TAFA2: variants seen among roughly 807,000 people sequenced by gnomAD.
TAFA2 encodes chemokine-like protein TAFA-2.
Under a neutral mutation model 18.8 loss-of-function variants are expected in TAFA2, and 7 were observed. That is an observed-to-expected ratio of 0.37 (90% CI 0.21 to 0.70). The LOEUF (loss-of-function observed/expected upper bound fraction) is 0.70, where lower values mean the gene tolerates loss of function less well. TAFA2 is among the 30% of genes least tolerant of loss of function. TAFA2 has a pLI of 0.53. For synonymous variants in TAFA2, 60 were observed against 54.2 expected (o/e 1.11, Z -0.47); for missense variants, 122 against 158.1 (o/e 0.77, Z 1.23).
chr12:62,230,123 T>A (rs2062805743), intron 1 of TAFA2, among the ~76,000 whole-genome samples: 1 of 150,738 alleles, frequency 6.6e-6, no homozygotes, highest in Non-Finnish European at 1.5e-5. Context: ...TTTTTTTTCT[T>A]AGTCTAGCTA....
chr12:61,718,114 A>T (rs1284816814), intron 4 of TAFA2, among the ~76,000 whole-genome samples: 1 of 152,172 alleles, frequency 6.6e-6, no homozygotes, highest in Non-Finnish European at 1.5e-5. Flanking sequence ...CATATACAAC[A>T]TCTGTCAATG....
intron 1 of TAFA2, among the ~76,000 whole-genome samples, chr12:62,240,286 G>T (rs1243717531): frequency 6.6e-6 from 1 of 151,766 alleles, no homozygotes; most frequent in Non-Finnish European, 1.5e-5. Flanking sequence ...GGGCGTGATG[G>T]TGTGCACCTG....
At chr12:62,066,243 G>C (rs1308018423) in intron 1 of TAFA2, among the ~76,000 whole-genome samples, 1 of 151,732 alleles carries the variant, frequency 6.6e-6, no homozygotes, top group East Asian at 1.9e-4. Context: ...CAGATAAATA[G>C]AGTATCCATC....
chr12:61,827,825 C>T (rs1353366033), intron 2 of TAFA2, among the ~76,000 whole-genome samples: 1 of 151,870 alleles, frequency 6.6e-6, no homozygotes, highest in East Asian at 1.9e-4. Context: ...GTGGAACATT[C>T]TTTGGGGAAG....
rs915397600 is a variant in TAFA2 at position 62,237,420 on chromosome 12, T to C, written c.-130+21343A>G. ...TTTTAATCTCTTTGTTAAATTTATCTAGCAAATTTATATATTGTTTTGCTG... is the reference window on the plus strand; with the variant it reads ...TTTTAATCTCTTTGTTAAATTTATCCAGCAAATTTATATATTGTTTTGCTG... On this transcript the variant is annotated intron_variant, in intron 1 of 5. Coordinates refer to the TAFA2 transcript ENST00000551619. Among the ~76,000 whole-genome samples, 8 of 152,244 alleles carry C rather than the reference T, an allele frequency of 5.3e-5. No homozygotes were observed. The South Asian group carries it at 6.2e-4, about 12-fold the overall frequency.
At chr12:62,256,980 C>T (rs2062942365) in intron 1 of TAFA2, among the ~76,000 whole-genome samples, 1 of 151,552 alleles carries the variant, frequency 6.6e-6, no homozygotes, top group African/African-American at 2.4e-5. Context: ...GTGGTAGGGT[C>T]GTGGGCGGGA....
At chr12:61,738,330 A>ACAC (rs1565756844) in intron 4 of TAFA2, among the ~76,000 whole-genome samples, 432 of 37,366 alleles carry the variant, frequency 0.012, 1 homozygote, top group African/African-American at 0.025. Context: ...CACACACACA[A>ACAC]ACCTAGCTCA....
At position 62,125,989 on chromosome 12, in the gene TAFA2, C is replaced by T. The variant is rs190577827; in HGVS notation, c.-2+65270G>A. On this transcript the variant is annotated intron_variant, in intron 1 of 4. Coordinates refer to ENST00000416284, the MANE Select transcript of TAFA2 (RefSeq NM_178539.5). ...TTATCATCATATAATAAATTTTTTTCGCATATATTAGAATCCAGATCACGG... is the reference window on the plus strand; with the variant it reads ...TTATCATCATATAATAAATTTTTTTTGCATATATTAGAATCCAGATCACGG... Among the ~76,000 whole-genome samples, 62 of 152,010 alleles carry T rather than the reference C, an allele frequency of 4.1e-4. No individual in the cohort carries two copies. In the East Asian group the frequency reaches 0.01, roughly 26 times the overall value.
At chr12:62,039,117 G>A (rs919423264) in intron 1 of TAFA2, among the ~76,000 whole-genome samples, 2 of 152,138 alleles carry the variant, frequency 1.3e-5, no homozygotes, top group Non-Finnish European at 2.9e-5. Context: ...TCAGTGCAGG[G>A]AAAATGCAAA....
At chr12:61,955,633 ATATATAT>A (rs1463170916) in intron 1 of TAFA2, among the ~76,000 whole-genome samples, 10 of 8,766 alleles carry the variant, frequency 1.1e-3, no homozygotes, top group Non-Finnish European at 1.5e-3. Flanking sequence ...AAAAAAAAAA[ATATATAT>A]ATATATATAT....
chr12:61,760,839 C>T (rs1869511297), intron 2 of TAFA2, among the ~76,000 whole-genome samples: 1 of 144,926 alleles, frequency 6.9e-6, no homozygotes, highest in Admixed American at 6.9e-5. Flanking sequence ...AAAGAACAAA[C>T]AATTTTATTC....
chr12:62,085,792 C>A (rs1868426064), intron 1 of TAFA2, among the ~76,000 whole-genome samples: 1 of 152,140 alleles, frequency 6.6e-6, no homozygotes, highest in South Asian at 2.1e-4. Context: ...TGGTTTGTTT[C>A]TGTGTCCCCA....
At chr12:61,790,081 G>A (rs1351462012) in intron 2 of TAFA2, among the ~76,000 whole-genome samples, 1 of 151,508 alleles carries the variant, frequency 6.6e-6, no homozygotes, top group South Asian at 2.1e-4. Flanking sequence ...TCCAATAAAT[G>A]TGGTACCTCA....
intron 4 of TAFA2, among the ~76,000 whole-genome samples, chr12:61,746,338 T>A (rs1330674464): frequency 6.6e-6 from 1 of 152,112 alleles, no homozygotes; most frequent in Non-Finnish European, 1.5e-5. Flanking sequence ...TGTGGAACTG[T>A]GAGTCAATTA....
chr12:61,906,907 C>A (rs1182180992), intron 1 of TAFA2, among the ~76,000 whole-genome samples: 3 of 151,846 alleles, frequency 2.0e-5, no homozygotes, highest in Non-Finnish European at 4.4e-5. Flanking sequence ...TTGAGAGAGA[C>A]GATTTAGGGT....
intron 1 of TAFA2, among the ~76,000 whole-genome samples, chr12:62,052,833 A>T (rs1380120523): frequency 2.6e-5 from 4 of 152,214 alleles, no homozygotes; most frequent in African/African-American, 7.2e-5. Context: ...TTGTTTGCTA[A>T]ATAAAGAGTG....
intron 1 of TAFA2, among the ~76,000 whole-genome samples, chr12:62,113,504 T>C (rs1431018397): frequency 6.6e-6 from 1 of 152,162 alleles, no homozygotes; most frequent in Non-Finnish European, 1.5e-5. Context: ...GTCTGTCCCT[T>C]AGCAGAGCTT....
intron 2 of TAFA2, among the ~76,000 whole-genome samples, chr12:61,821,660 A>G (rs1420789606): frequency 6.6e-6 from 1 of 152,114 alleles, no homozygotes; most frequent in Non-Finnish European, 1.5e-5. Flanking sequence ...TAATAAAAAC[A>G]TATTTATCCT....
chr12:61,871,045 G>A (rs1254485732), intron 1 of TAFA2, among the ~76,000 whole-genome samples: 4 of 152,046 alleles, frequency 2.6e-5, no homozygotes, highest in African/African-American at 4.8e-5. Context: ...ATTGCATAGT[G>A]GTTAACATGA....
Sources: gnomAD v4.1 joint callset for allele counts (sites outside exome capture counted in the v4.1 genomes callset) on GRCh38, gnomAD v4.1.1 for gene constraint, MANE v1.5 for transcripts, NCBI Gene and HGNC (gene_info 2026-07-23, HGNC 2026-07-21) for gene names.